HUNK: variants seen among roughly 807,000 people sequenced by gnomAD.
The protein encoded by HUNK is hormonally up-regulated neu tumor-associated kinase.
A neutral mutation model predicts 61.0 loss-of-function variants in HUNK; 21 were observed. The observed-to-expected ratio is 0.34, with a 90% CI of 0.24 to 0.50. HUNK has a LOEUF of 0.50. Among genes scored for constraint, HUNK ranks in the 20% least tolerant of loss-of-function variants. HUNK has a pLI of 0.98. For missense variants in HUNK, 772 were observed against 945.7 expected (o/e 0.82, Z 2.41); for synonymous variants, 371 against 386.1 (o/e 0.96, Z 0.46).
chr21:31,976,775 T>C (rs1247548222), intron 7 of HUNK, among the ~76,000 whole-genome samples: 1 of 149,766 alleles, frequency 6.7e-6, no homozygotes, highest in African/African-American at 2.5e-5. Flanking sequence ...CCCTCTTTTT[T>C]TTTTTTTTCT....
Position 32,003,383 on chromosome 21 carries a change from G to C in HUNK, c.*4199G>C, listed in dbSNP as rs1213237393. On this transcript the variant is annotated 3_prime_UTR_variant, in exon 11 of 11. Coordinates refer to ENST00000270112, the MANE Select transcript of HUNK (RefSeq NM_014586.2). ...CCTTGTTATCTACTTTAGGTATTAA[G>C]AGGCTATTGGGTTTTACTAGATTAA... 2 of 149,112 alleles carry C rather than the reference G, an allele frequency of 1.3e-5. No homozygotes were observed. Among genetic ancestry groups the C allele is most frequent in the African/African-American group, 4.8e-5 (2 of 41,332 alleles). The allele number at this position is 149,112 out of a possible 1,614,324, so 9.2% of individuals were successfully genotyped here. A position where few individuals can be genotyped will look rare whatever the true frequency, so the allele number is the denominator to read the frequency against.
intron 8 of HUNK, among the ~76,000 whole-genome samples, chr21:31,983,824 G>A (rs961164086): frequency 2.6e-5 from 4 of 152,176 alleles, no homozygotes; most frequent in African/African-American, 4.8e-5. Flanking sequence ...TTAAAGTCAC[G>A]GGGAGCGTTT....
intron 7 of HUNK, among the ~76,000 whole-genome samples, chr21:31,981,239 A>G (rs1436319705): frequency 3.9e-5 from 6 of 152,126 alleles, no homozygotes; most frequent in African/African-American, 4.8e-5. Flanking sequence ...TGCCAGTATC[A>G]TGCTGTTTTG....
chr21:31,949,640 G>A (rs1209897332), intron 4 of HUNK, among the ~76,000 whole-genome samples: 2 of 152,036 alleles, frequency 1.3e-5, no homozygotes, highest in Non-Finnish European at 2.9e-5. Context: ...AGACCAAGAG[G>A]TCCCCTGTCT....
chr21:31,922,170 C>G (rs974823808), intron 1 of HUNK, among the ~76,000 whole-genome samples: 2 of 151,886 alleles, frequency 1.3e-5, no homozygotes, highest in Non-Finnish European at 2.9e-5. Flanking sequence ...GCGTCCACCA[C>G]CACACCCAGC....
chr21:31,908,859 C>T (rs910625923), intron 1 of HUNK, among the ~76,000 whole-genome samples: 3 of 152,096 alleles, frequency 2.0e-5, no homozygotes, highest in African/African-American at 7.2e-5. Flanking sequence ...GATTTAAGAC[C>T]ATTGGGTGTT....
intron 6 of HUNK, among the ~76,000 whole-genome samples, chr21:31,973,393 G>A (rs527497284): frequency 5.8e-4 from 89 of 152,250 alleles, no homozygotes; most frequent in Non-Finnish European, 1.1e-3. Flanking sequence ...ACCTATGAGT[G>A]AGAAGATGCG....
chr21:31,891,964 T>G (rs980923793), intron 1 of HUNK, among the ~76,000 whole-genome samples: 7 of 152,022 alleles, frequency 4.6e-5, no homozygotes, highest in African/African-American at 1.5e-4. Flanking sequence ...CATAATGATT[T>G]AACCTGTTGG....
chr21:31,986,453 G>C (rs1236221425), intron 8 of HUNK, among the ~76,000 whole-genome samples: 2 of 151,968 alleles, frequency 1.3e-5, no homozygotes, highest in African/African-American at 2.4e-5. Flanking sequence ...TCTTGCTTCC[G>C]GGATGGTGGC....
At chr21:31,939,842 T>A (rs2052758116) in intron 2 of HUNK, among the ~76,000 whole-genome samples, 2 of 151,974 alleles carry the variant, frequency 1.3e-5, no homozygotes, top group South Asian at 4.2e-4. Context: ...TTGAGTGATG[T>A]GTTCCTCTCT....
In HUNK at chr21:32,001,438, T is replaced by C. The variant is rs1172958776; in HGVS notation, c.*2254T>C. The C allele has an allele frequency of 6.6e-6, 1 of 152,260 alleles. No individual in the cohort carries two copies. The highest frequency in any genetic ancestry group is 1.5e-5 in the Non-Finnish European group (1 of 68,042). 9.4% of individuals were successfully genotyped at this position (152,260 alleles called of 1,614,324 possible). On this transcript the variant is annotated 3_prime_UTR_variant, in exon 11 of 11. Transcript: ENST00000270112. ...GTATACCTGCGCATTGGGAACTTGC[T>C]GGAACCCCTGATGCATTTTCCTTGA... is the stretch of plus-strand genomic sequence containing the variant.
intron 5 of HUNK, 25 bp from the exon 6 acceptor site, chr21:31,968,225 G>A (rs2052981346): frequency 1.9e-6 from 3 of 1,614,016 alleles, no homozygotes; most frequent in Non-Finnish European, 2.5e-6. Flanking sequence ...TAACATGCGT[G>A]CATTCTTTCC....
chr21:31,928,583 G>A (rs1353912371), intron 2 of HUNK, among the ~76,000 whole-genome samples: 1 of 152,174 alleles, frequency 6.6e-6, no homozygotes, highest in African/African-American at 2.4e-5. Context: ...GAAGACTGGA[G>A]ATACAGGGAC....
chr21:31,996,484 C>T (rs962391093), intron 10 of HUNK, among the ~76,000 whole-genome samples: 1 of 152,204 alleles, frequency 6.6e-6, no homozygotes, highest in Non-Finnish European at 1.5e-5. Context: ...TAAGCTCCCT[C>T]ACCTGAGTCA....
chr21:31,967,709 C>CT (rs2052976859), intron 5 of HUNK, among the ~76,000 whole-genome samples: 1 of 152,172 alleles, frequency 6.6e-6, no homozygotes, highest in South Asian at 2.1e-4. Context: ...CCTTGAGACT[C>CT]TGAGTGTCCT....
intron 7 of HUNK, among the ~76,000 whole-genome samples, chr21:31,975,650 A>G (rs1601406231): frequency 7.2e-6 from 1 of 138,338 alleles, no homozygotes; most frequent in Admixed American, 7.2e-5. Context: ...GAAGACATTT[A>G]CCATCCAGAA....
intron 1 of HUNK, among the ~76,000 whole-genome samples, chr21:31,886,475 G>C (rs916514623): frequency 6.6e-6 from 1 of 151,744 alleles, no homozygotes; most frequent in Non-Finnish European, 1.5e-5. Context: ...GAGGTACTGG[G>C]GTTAGGACTC....
At chr21:31,996,183 C>T (rs1482490393) in intron 10 of HUNK, among the ~76,000 whole-genome samples, 2 of 152,076 alleles carry the variant, frequency 1.3e-5, no homozygotes, top group Non-Finnish European at 2.9e-5. Context: ...CAAAGTATTA[C>T]GGAAACAGAA....
chr21:31,932,798 G>A (rs2052707005), intron 2 of HUNK, among the ~76,000 whole-genome samples: 1 of 151,902 alleles, frequency 6.6e-6, no homozygotes, highest in Non-Finnish European at 1.5e-5. Flanking sequence ...CTTCACCGTG[G>A]CTTCTGGTTG....
Sources: gnomAD v4.1 joint callset for allele counts (sites outside exome capture counted in the v4.1 genomes callset) on GRCh38, gnomAD v4.1.1 for gene constraint, MANE v1.5 for transcripts, NCBI Gene and HGNC (gene_info 2026-07-23, HGNC 2026-07-21) for gene names.